SLC39A7: variants seen among roughly 807,000 people sequenced by gnomAD.
SLC39A7 encodes the protein solute carrier family 39 member 7.
A neutral mutation model predicts 39.7 loss-of-function variants in SLC39A7; 25 were observed. The ratio of observed to expected loss-of-function variants is 0.63; its 90% CI spans 0.46 to 0.88. The LOEUF (loss-of-function observed/expected upper bound fraction) is 0.88, where lower values mean the gene tolerates loss of function less well. Ranked by LOEUF, SLC39A7 falls within the 40% of genes least tolerant of loss-of-function variation. The pLI is 0.00. For synonymous variants in SLC39A7, 181 were observed against 234.1 expected (o/e 0.77, Z 2.07); for missense variants, 501 against 592.1 (o/e 0.85, Z 1.60).
Position 33,203,904 on chromosome 6 carries a change from G to A in SLC39A7, c.*91G>A. ...TTGGGGGCCCTGGCCAGGGACATCT[G>A]CCAAAGGAAGGAACTGTAGCCTGGG... On this transcript the variant is annotated 3_prime_UTR_variant, in exon 7 of 7. Transcript: ENST00000374677. The A allele has an allele frequency of 7.7e-7, 1 of 1,297,692 alleles. No individual in the cohort carries two copies. The highest frequency in any genetic ancestry group is 1.1e-6 in the Non-Finnish European group (1 of 917,092). 80.4% of individuals were successfully genotyped at this position (1,297,692 alleles called of 1,614,324 possible).
At chr6:33,202,199 G>A (rs1562431548) in intron 3 of SLC39A7, 64 bp from the exon 4 acceptor site, 4 of 1,589,592 alleles carry the variant, frequency 2.5e-6, no homozygotes, top group Middle Eastern at 1.7e-4. Context: ...CTCACCTCCC[G>A]CACTTGAGGA....
At chr6:33,203,350 T>G (rs1446964499) in intron 6 of SLC39A7, among the ~76,000 whole-genome samples, 191 bp from the exon 7 acceptor site, 1 of 152,144 alleles carries the variant, frequency 6.6e-6, no homozygotes, top group Non-Finnish European at 1.5e-5. Context: ...TCAGAAAGTC[T>G]GTGGAAAGGA....
In SLC39A7 at chr6:33,201,897, C is replaced by G. The variant is rs765209473; in HGVS notation, c.564C>G (p.Leu188=). The G allele has an allele frequency of 6.2e-7, 1 of 1,612,888 alleles. No homozygotes were observed. The highest frequency in any genetic ancestry group is 1.7e-5 in the Admixed American group (1 of 60,032). The change falls in exon 2 of 7, where the codon CTC becomes CTG. Residue 188 remains leucine (L), a synonymous_variant. Transcript: ENST00000374677. This position sits in a 1 kb window ranked among gnomAD's most constrained non-coding sequence, Gnocchi z 5.9. ...GGLLGDAFLH[L]IPHALEPHSH... ...TCCTGGGAGATGCTTTCCTGCACCT[C>G]ATTCCTCATGCTCTTGGTAAGTAAC...
At chr6:33,202,758 A>T in intron 5 of SLC39A7, 58 bp downstream of exon 5, 1 of 1,564,374 alleles carries the variant, frequency 6.4e-7, no homozygotes, top group South Asian at 1.2e-5. Context: ...AATCACATGG[A>T]ATATGTGCTG....
chr6:33,203,572 G>A lies in SLC39A7; in HGVS notation c.1169G>A (p.Gly390Glu). ...AMRLQLLTAVGALAGTACALL... is the reference protein window; with the variant it reads ...AMRLQLLTAVEALAGTACALL... ...CGTCTGCAACTACTGACAGCAGTAG[G>A]GGCACTGGCAGGCACAGCCTGTGCC... The change falls in exon 7 of 7, where the codon GGG becomes GAG. Residue 390 changes from glycine (G) to glutamate (E), a missense_variant. Physicochemically the swap from Gly to Glu is moderately conservative, Grantham distance 98. Transcript: ENST00000374677. The A allele has an allele frequency of 6.2e-7, 1 of 1,614,240 alleles. No individual in the cohort carries two copies. Among genetic ancestry groups the A allele is most frequent in the South Asian group, 1.1e-5 (1 of 91,086 alleles).
chr6:33,204,033 TG>T lies in SLC39A7; in HGVS notation c.*221del. 5.0e-6 allele frequency: 3 copies of T among 603,744 alleles called. No individual in the cohort carries two copies. Among genetic ancestry groups the T allele is most frequent in the South Asian group, 4.0e-5 (2 of 49,534 alleles). 37.4% of individuals were successfully genotyped at this position (603,744 alleles called of 1,614,324 possible). On this transcript the variant is annotated 3_prime_UTR_variant, in exon 7 of 7. Coordinates refer to ENST00000374677, the MANE Select transcript of SLC39A7 (RefSeq NM_006979.3). ...AGGGACCATAGTGTTGGGCACTGTC[TG>T]ACCATGTTGCATTTGGAAGGCTAAA...
chr6:33,202,836 G>T, intron 5 of SLC39A7, 74 bp from the exon 6 acceptor site: 1 of 1,570,166 alleles, frequency 6.4e-7, no homozygotes, highest in Non-Finnish European at 8.6e-7. Flanking sequence ...GGGGAGGTGT[G>T]AGAATAGCTG....
rs1347279722 is a variant in SLC39A7, at chr6:33,202,690, A to G, written c.930A>G (p.Lys310=). 1 of 1,593,674 alleles carries G rather than the reference A, an allele frequency of 6.3e-7. No homozygotes were observed. The highest frequency in any genetic ancestry group is 8.5e-7 in the Non-Finnish European group (1 of 1,174,814). ...PVRPQNAEEE[K]RGLDLRVSGY... is the part of the protein sequence containing the mutation. ...GACCTCAGAACGCTGAAGAAGAAAA[A>G]AGAGGCTTAGGTAAGGGCCAGAGTT... Residue 310 remains lysine (K), a synonymous_variant, in exon 5 of 7, where the codon AAA becomes AAG. Transcript: ENST00000374677.
At chr6:33,203,514 T>C in intron 6 of SLC39A7, 27 bp from the exon 7 acceptor site, 1 of 1,612,800 alleles carries the variant, frequency 6.2e-7, no homozygotes, top group Non-Finnish European at 8.5e-7. Context: ...TATTGGTGAG[T>C]GCCTTTTTCT....
chr6:33,203,696 AAC>A lies in SLC39A7; in HGVS notation c.1295_1296del (p.Thr432SerfsTer37). 1 of 1,614,214 alleles carries A rather than the reference AAC, an allele frequency of 6.2e-7. No homozygotes were observed. The highest frequency in any genetic ancestry group is 1.3e-5 in the African/African-American group (1 of 75,050). ...CTGCAGGTGGCTTTATCTACGTAGCAACAGTGTCTGTGTTGCCCGAGCTGCTG... is the reference window on the plus strand; with the variant it reads ...CTGCAGGTGGCTTTATCTACGTAGCAAGTGTCTGTGTTGCCCGAGCTGCTG... ...FTAGGFIYVA[T>X]VSVLPELLRE... On this transcript the variant is annotated frameshift_variant, in exon 7 of 7. Coordinates refer to ENST00000374677, the MANE Select transcript of SLC39A7 (RefSeq NM_006979.3). LOFTEE classifies it high-confidence loss of function.
In SLC39A7 at chr6:33,202,312, T is replaced by C. The variant is rs1321460762; in HGVS notation, c.684T>C (p.Val228=). Residue 228 remains valine (V), a synonymous_variant, in exon 4 of 7, where the codon GTT becomes GTC. Coordinates refer to ENST00000374677, the MANE Select transcript of SLC39A7 (RefSeq NM_006979.3). ...SVGLWVLSGI[V]AFLVVEKFVR... ...GACTGTGGGTTCTCAGTGGAATTGT[T>C]GCCTTTCTTGTCGTGGAGAAATTTG... The C allele has an allele frequency of 1.2e-6, 2 of 1,612,940 alleles. No individual in the cohort carries two copies. The highest frequency in any genetic ancestry group is 1.7e-6 in the Non-Finnish European group (2 of 1,180,040).
rs1433804761 is a variant in SLC39A7, at chr6:33,204,087, CAG to C, written c.*275_*276del. 3 of 576,040 alleles carry C rather than the reference CAG, an allele frequency of 5.2e-6. No individual in the cohort carries two copies. Among genetic ancestry groups the C allele is most frequent in the Non-Finnish European group, 6.2e-6 (2 of 322,760 alleles). The allele number at this position is 576,040 out of a possible 1,614,324, so 35.7% of individuals were successfully genotyped here. A position where few individuals can be genotyped will look rare whatever the true frequency, so the allele number is the denominator to read the frequency against. ...GGGCCATGAAGAAGGCTGGAAGGGACAGGGGGTGATGGCAGCCTACCTGGTGT... is the reference window on the plus strand; with the variant it reads ...GGGCCATGAAGAAGGCTGGAAGGGACGGGGTGATGGCAGCCTACCTGGTGT... On this transcript the variant is annotated 3_prime_UTR_variant, in exon 7 of 7. Coordinates refer to ENST00000374677, the MANE Select transcript of SLC39A7 (RefSeq NM_006979.3).
Position 33,201,873 on chromosome 6 carries a change from C to CCATCACTT in SLC39A7, c.541_542insATCACTTC (p.Leu181HisfsTer60). ...TGCTCAGTTTTGCTTCCGGTGGGCT[C>CCATCACTT]CTGGGAGATGCTTTCCTGCACCTCA... On this transcript the variant is annotated frameshift_variant, in exon 2 of 7. Transcript: ENST00000374677. LOFTEE classifies it high-confidence loss of function. This position sits in a 1 kb window ranked among gnomAD's most constrained non-coding sequence, Gnocchi z 5.9. The CCATCACTT allele has an allele frequency of 1.2e-6, 2 of 1,612,944 alleles. No homozygotes were observed. The highest frequency in any genetic ancestry group is 1.7e-6 in the Non-Finnish European group (2 of 1,180,000).
Position 33,201,974 on chromosome 6 carries a change from T to C in SLC39A7, c.580+61T>C. 6.3e-7 allele frequency: 1 copy of C among 1,594,248 alleles called. No individual in the cohort carries two copies. Among genetic ancestry groups the C allele is most frequent in the Non-Finnish European group, 8.6e-7 (1 of 1,163,052 alleles). On this transcript the variant is annotated intron_variant, in intron 2 of 6. Coordinates refer to ENST00000374677, the MANE Select transcript of SLC39A7 (RefSeq NM_006979.3). This position sits in a 1 kb window ranked among gnomAD's most constrained non-coding sequence, Gnocchi z 5.9. ...TATTTCGTTCTTTGGAGGAAAAGGG[T>C]TCTTTCTCCTTTATGATCCCTGACC... is the stretch of plus-strand genomic sequence containing the variant.
Position 33,203,587 on chromosome 6 carries a change from C to T in SLC39A7, c.1184C>T (p.Thr395Ile), listed in dbSNP as rs1416107120. 2.5e-6 allele frequency: 4 copies of T among 1,614,120 alleles called. No individual in the cohort carries two copies. Among genetic ancestry groups the T allele is most frequent in the Admixed American group, 1.7e-5 (1 of 60,016 alleles). The change falls in exon 7 of 7, where the codon ACA becomes ATA. Residue 395 changes from threonine (T) to isoleucine (I), a missense_variant. By Grantham distance (89) the Thr-to-Ile change is moderately conservative (BLOSUM62 -1). Transcript: ENST00000374677. ...LLTAVGALAG[T>I]ACALLTEGGA... ...ACAGCAGTAGGGGCACTGGCAGGCA[C>T]AGCCTGTGCCCTTCTCACTGAAGGA...
Position 33,203,906 on chromosome 6 carries a change from C to A in SLC39A7, c.*93C>A. ...GGGGGCCCTGGCCAGGGACATCTGC[C>A]AAAGGAAGGAACTGTAGCCTGGGAG... is the stretch of plus-strand genomic sequence containing the variant. On this transcript the variant is annotated 3_prime_UTR_variant, in exon 7 of 7. Coordinates refer to ENST00000374677, the MANE Select transcript of SLC39A7 (RefSeq NM_006979.3). 1 of 1,279,500 alleles carries A rather than the reference C, an allele frequency of 7.8e-7. No homozygotes were observed. Among genetic ancestry groups the A allele is most frequent in the Non-Finnish European group, 1.1e-6 (1 of 901,164 alleles). The allele number at this position is 1,279,500 out of a possible 1,614,324, so 79.3% of individuals were successfully genotyped here.
Position 33,203,103 on chromosome 6 carries a change from G to T in SLC39A7, c.1134G>T (p.Lys378Asn). 6.3e-7 allele frequency: 1 copy of T among 1,585,216 alleles called. No individual in the cohort carries two copies. The highest frequency in any genetic ancestry group is 8.6e-7 in the Non-Finnish European group (1 of 1,165,998). Residue 378 changes from lysine (K) to asparagine (N), a missense_variant, in exon 6 of 7, where the codon AAG becomes AAT. Lys to Asn is a moderately conservative substitution (Grantham distance 94). Coordinates refer to ENST00000374677, the MANE Select transcript of SLC39A7 (RefSeq NM_006979.3). ...AILVQSGCSK[K>N]QAMRLQLLTA... ...TGGTCCAGTCTGGCTGCAGCAAAAAGCAGGTTGGTGATGTCTGCCAAACAC... is the reference window on the plus strand; with the variant it reads ...TGGTCCAGTCTGGCTGCAGCAAAAATCAGGTTGGTGATGTCTGCCAAACAC...
chr6:33,202,400 C>T lies in SLC39A7; in HGVS notation c.772C>T (p.Arg258Cys), dbSNP rs544944064. ...ACATGGACACGCTCACAGTCATACA[C>T]GTGGAAGTCATGGACATGGAAGACA... The part of the protein sequence containing the change: ...HGHGHAHSHT[R>C]GSHGHGRQER... The change falls in exon 4 of 7, where the codon CGT becomes TGT. Residue 258 changes from arginine to cysteine, a missense_variant. Coordinates refer to ENST00000374677, the MANE Select transcript of SLC39A7 (RefSeq NM_006979.3). The T allele has an allele frequency of 1.4e-5, 23 of 1,612,678 alleles. No homozygotes were observed. The highest frequency in any genetic ancestry group is 6.7e-5 in the East Asian group (3 of 44,878).
chr6:33,201,192 A>G lies in SLC39A7; in HGVS notation c.-54A>G. 1.3e-6 allele frequency: 2 copies of G among 1,518,144 alleles called. No individual in the cohort carries two copies. The highest frequency in any genetic ancestry group is 2.4e-5 in the South Asian group (2 of 81,660). 94.0% of individuals were successfully genotyped at this position (1,518,144 alleles called of 1,614,324 possible). A position where few individuals can be genotyped will look rare whatever the true frequency, so the allele number is the denominator to read the frequency against. Reference sequence around the variant, plus strand: ...GATTGGAGTAAAGCGGACCCTGTGTAGGTATAGAGTTGAGTCAAGTGGAGT... The same window carrying G: ...GATTGGAGTAAAGCGGACCCTGTGTGGGTATAGAGTTGAGTCAAGTGGAGT... On this transcript the variant is annotated 5_prime_UTR_variant, in exon 1 of 7. It removes the in-frame stop codon of an upstream open reading frame in the 5' UTR. Transcript: ENST00000374677. This position sits in a 1 kb window ranked among gnomAD's most constrained non-coding sequence, Gnocchi z 5.9.
Sources: allele counts gnomAD v4.1 joint callset (sites outside exome capture counted in the v4.1 genomes callset), GRCh38; gene constraint gnomAD v4.1.1; non-coding constraint Gnocchi (gnomAD v3.1); transcripts MANE v1.5; gene names NCBI Gene and HGNC (gene_info 2026-07-23, HGNC 2026-07-21).